Variants in RBFOX1 observed in about 807,000 individuals in gnomAD.
The protein encoded by RBFOX1 is RNA binding fox-1 homolog 1, also known as RNA binding protein fox-1 homolog 1.
In RBFOX1, 8 loss-of-function variants were observed where a neutral mutation model predicts 57.7. The ratio of observed to expected loss-of-function variants is 0.14; its 90% CI spans 0.08 to 0.25. The LOEUF (loss-of-function observed/expected upper bound fraction) is 0.25, where lower values mean the gene tolerates loss of function less well. Ranked by LOEUF, RBFOX1 falls within the 10% of genes least tolerant of loss-of-function variation. The probability of loss-of-function intolerance (pLI) is 1.00; values close to 1 mark genes in which losing one functional copy is unlikely to be tolerated. For missense variants in RBFOX1, 611 were observed against 548.5 expected (o/e 1.11, Z -1.14); for synonymous variants, 326 against 222.4 (o/e 1.47, Z -4.15).
intron 2 of RBFOX1, among the ~76,000 whole-genome samples, chr16:6,499,095 A>C (rs1198580674): frequency 6.6e-6 from 1 of 152,206 alleles, no homozygotes; most frequent in African/African-American, 2.4e-5. Context: ...AGCTCCGTGG[A>C]GCACTTTTCA....
At chr16:6,731,966 C>T (rs1334530301) in intron 3 of RBFOX1, among the ~76,000 whole-genome samples, 1 of 152,128 alleles carries the variant, frequency 6.6e-6, no homozygotes, top group Non-Finnish European at 1.5e-5. Flanking sequence ...GCTGAGCCTA[C>T]TAAAACCAAA....
At chr16:7,677,132 T>TACACACACACACACACAC (rs59379802) in intron 14 of RBFOX1, among the ~76,000 whole-genome samples, 3,200 of 137,854 alleles carry the variant, frequency 0.023, 84 homozygotes, top group African/African-American at 0.025. Context: ...CACATACACA[T>TACACACACACACACACAC]ACACACACAC....
At position 6,019,723 on chromosome 16, in the gene RBFOX1, G is replaced by T; in HGVS notation, c.-396G>T. ...CAGGCAGAGAGAGCAGGAGCGGACC[G>T]CGCGCCCGGGATTGAGAGTCCTTGC... is the stretch of plus-strand genomic sequence containing the variant. On this transcript the variant is annotated 5_prime_UTR_variant, in exon 1 of 16. Coordinates refer to ENST00000550418, the MANE Select transcript of RBFOX1 (RefSeq NM_018723.4). This position sits in a 1 kb window ranked among gnomAD's most constrained non-coding sequence, Gnocchi z 4.2. The T allele has an allele frequency of 2.2e-6, 3 of 1,369,094 alleles. No homozygotes were observed. The highest frequency in any genetic ancestry group is 2.8e-6 in the Non-Finnish European group (3 of 1,060,794). The allele number at this position is 1,369,094 out of a possible 1,614,324, so 84.8% of individuals were successfully genotyped here.
intron 2 of RBFOX1, among the ~76,000 whole-genome samples, chr16:6,457,701 G>C (rs1401241197): frequency 6.6e-6 from 1 of 152,146 alleles, no homozygotes; most frequent in Non-Finnish European, 1.5e-5. Flanking sequence ...GTAGGTGCTG[G>C]TATCTGCTAG....
intron 2 of RBFOX1, among the ~76,000 whole-genome samples, chr16:6,357,895 G>A (rs2087665840): frequency 6.6e-6 from 1 of 150,696 alleles, no homozygotes; most frequent in South Asian, 2.1e-4. Context: ...AGGTTTCAGT[G>A]AGCTTGAGCT....
intron 4 of RBFOX1, among the ~76,000 whole-genome samples, chr16:7,212,989 C>T (rs147847316): frequency 1.3e-5 from 2 of 152,240 alleles, no homozygotes; most frequent in Non-Finnish European, 2.9e-5. Flanking sequence ...CTTGATCCTT[C>T]CAGTCATCTT....
chr16:6,296,133 C>T (rs568188148), intron 1 of RBFOX1, among the ~76,000 whole-genome samples: 5 of 152,166 alleles, frequency 3.3e-5, no homozygotes, highest in Admixed American at 6.5e-5. Context: ...ATGCCTTGGG[C>T]ACGGTTGGAA....
In RBFOX1 at chr16:7,653,804, T is replaced by C. The variant is rs758996854; in HGVS notation, c.758-11T>C. On this transcript the variant is annotated splice_polypyrimidine_tract_variant and intron_variant, in intron 11 of 15. Coordinates refer to ENST00000550418, the MANE Select transcript of RBFOX1 (RefSeq NM_018723.4). ...CTGTGCTCTCTCTCTCTCTCTCCTC[T>C]TGCCCCGCAGTGCCAGGCTTCCCGT... The C allele has an allele frequency of 6.2e-7, 1 of 1,606,146 alleles. No individual in the cohort carries two copies. Among genetic ancestry groups the C allele is most frequent in the African/African-American group, 1.3e-5 (1 of 74,920 alleles).
intron 4 of RBFOX1, among the ~76,000 whole-genome samples, chr16:6,012,468 G>A (rs988083040): frequency 6.6e-6 from 1 of 152,202 alleles, no homozygotes; most frequent in South Asian, 2.1e-4. Flanking sequence ...TTTGGGAGGA[G>A]TACTGGCACT....
At chr16:6,568,388 T>G (rs536611515) in intron 2 of RBFOX1, among the ~76,000 whole-genome samples, 3 of 152,090 alleles carry the variant, frequency 2.0e-5, no homozygotes, top group African/African-American at 7.2e-5. Flanking sequence ...CCTGGAGACA[T>G]GGCGGATGGC....
intron 3 of RBFOX1, among the ~76,000 whole-genome samples, chr16:6,787,090 T>A (rs9932657): frequency 0.73 from 111,097 of 152,062 alleles, 41,504 homozygotes; most frequent in East Asian, 0.92. Context: ...CCCTCATAGA[T>A]TGTACCTTCA....
chr16:6,098,391 C>T (rs906844924), intron 1 of RBFOX1, among the ~76,000 whole-genome samples: 11 of 152,222 alleles, frequency 7.2e-5, no homozygotes, highest in Admixed American at 6.5e-4. Context: ...TAAGCCTCTT[C>T]CTGTCCTCTC....
In RBFOX1 at chr16:5,761,501, C is replaced by T. The variant is rs2053587503; in HGVS notation, c.319-105802C>T. Among the ~76,000 whole-genome samples, 3 of 152,136 alleles carry T rather than the reference C, an allele frequency of 2.0e-5. No individual in the cohort carries two copies. The South Asian group carries it at 6.2e-4, about 32-fold the overall frequency. ...CTCAGTTCCACATGGCTTGGGAGTC[C>T]TCACAATCATGACAGAAGGCAAGGA... On this transcript the variant is annotated intron_variant, in intron 3 of 19. Coordinates refer to the RBFOX1 transcript ENST00000641259.
chr16:7,236,937 C>T (rs1478660885), intron 4 of RBFOX1, among the ~76,000 whole-genome samples: 1 of 152,148 alleles, frequency 6.6e-6, no homozygotes, highest in Non-Finnish European at 1.5e-5. Context: ...ATCTGCCTGC[C>T]TCTGTGTTGT....
chr16:6,777,621 C>T (rs28446301), intron 3 of RBFOX1, among the ~76,000 whole-genome samples: 5 of 152,168 alleles, frequency 3.3e-5, no homozygotes, highest in South Asian at 2.1e-4. Flanking sequence ...AAATTTCACA[C>T]GTTATTCAGT....
chr16:6,984,053 G>T (rs984502890), intron 3 of RBFOX1, among the ~76,000 whole-genome samples: 3 of 152,238 alleles, frequency 2.0e-5, no homozygotes, highest in Admixed American at 6.5e-5. Context: ...TTCAAGACCT[G>T]TCTGATCAAC....
In RBFOX1 at chr16:6,382,225, G is replaced by A. The variant is rs533505357; in HGVS notation, c.-64+65168G>A. Among the ~76,000 whole-genome samples the A allele has an allele frequency of 1.5e-4, 23 of 152,298 alleles. 2 individuals carry two copies. The highest frequency in any genetic ancestry group is 1.4e-3 in the East Asian group (7 of 5,176). The stretch of plus-strand genomic sequence containing the variant: ...AATTGCAAGAGCCATTTTAGCCTGT[G>A]AGCCATACAAAGACAGGCAGTGGGC... On this transcript the variant is annotated intron_variant, in intron 2 of 15. Coordinates refer to ENST00000550418, the MANE Select transcript of RBFOX1 (RefSeq NM_018723.4).
At chr16:6,778,038 G>A (rs1010527352) in intron 3 of RBFOX1, among the ~76,000 whole-genome samples, 2 of 152,102 alleles carry the variant, frequency 1.3e-5, no homozygotes, top group Non-Finnish European at 2.9e-5. Context: ...CATAAGGTGT[G>A]GGATAAATCT....
At chr16:7,422,647 A>G (rs2098553514) in intron 4 of RBFOX1, 1 of 152,226 alleles carries the variant, frequency 6.6e-6, no homozygotes, top group Non-Finnish European at 1.5e-5. Context: ...ACTGCAGCCT[A>G]GATATCTCTG....
Sources: gnomAD v4.1 joint callset for allele counts (sites outside exome capture counted in the v4.1 genomes callset) on GRCh38, gnomAD v4.1.1 for gene constraint, Gnocchi (gnomAD v3.1) non-coding constraint, MANE v1.5 for transcripts, NCBI Gene and HGNC (gene_info 2026-07-23, HGNC 2026-07-21) for gene names.